Variants in KCNH7 observed in about 807,000 individuals in gnomAD.
KCNH7 encodes the protein potassium voltage-gated channel subfamily H member 7, also known as voltage-gated inwardly rectifying potassium channel KCNH7.
KCNH7 carries 49 observed loss-of-function variants against 120.8 expected under a neutral mutation model. The observed-to-expected ratio is 0.41, with a 90% CI of 0.32 to 0.51. KCNH7 has a LOEUF of 0.51. KCNH7 is among the 20% of genes least tolerant of loss of function. The pLI is 0.38. For synonymous variants in KCNH7, 547 were observed against 516.1 expected (o/e 1.06, Z -0.81); for missense variants, 1,097 against 1,446.6 (o/e 0.76, Z 3.92).
chr2:162,391,272 G>C (rs1486115869), intron 12 of KCNH7, among the ~76,000 whole-genome samples: 2 of 152,036 alleles, frequency 1.3e-5, no homozygotes, highest in Non-Finnish European at 2.9e-5. Context: ...TCCCCTGAAA[G>C]TTCTCTGTTC....
At chr2:162,491,406 A>G (rs561925946) in intron 6 of KCNH7, among the ~76,000 whole-genome samples, 2 of 152,120 alleles carry the variant, frequency 1.3e-5, no homozygotes, top group Non-Finnish European at 2.9e-5. Context: ...CAGGACCCCA[A>G]TTCACGGGAC....
intron 2 of KCNH7, among the ~76,000 whole-genome samples, chr2:162,715,137 T>G (rs936591081): frequency 1.6e-4 from 25 of 152,150 alleles, no homozygotes; most frequent in Non-Finnish European, 2.8e-4. Context: ...AATGGGTAAT[T>G]TATTTTAAAA....
At chr2:162,529,285 C>A (rs570528038) in intron 3 of KCNH7, among the ~76,000 whole-genome samples, 2 of 151,966 alleles carry the variant, frequency 1.3e-5, no homozygotes, top group East Asian at 3.9e-4. Flanking sequence ...AAACAAACAG[C>A]TTTTAAGAGT....
Position 162,420,605 on chromosome 2 carries a change from G to C in KCNH7, c.2154+2731C>G, listed in dbSNP as rs544217153. ...TTAAAGGATATGGCCACTCTTTTTA[G>C]GTCAATTATTTCTTATTTTTTGTGG... On this transcript the variant is annotated intron_variant, in intron 9 of 15. Coordinates refer to ENST00000332142, the MANE Select transcript of KCNH7 (RefSeq NM_033272.4). Among the ~76,000 whole-genome samples, 5 of 152,168 alleles carry C rather than the reference G, an allele frequency of 3.3e-5. No homozygotes were observed. The South Asian group carries it at 1.0e-3, about 32-fold the overall frequency.
chr2:162,784,311 G>C (rs895144506), intron 2 of KCNH7, among the ~76,000 whole-genome samples: 1 of 152,020 alleles, frequency 6.6e-6, no homozygotes, highest in Admixed American at 6.6e-5. Flanking sequence ...TAACATGGAG[G>C]CTCCAATGGG....
At chr2:162,826,660 C>A (rs10930072) in intron 2 of KCNH7, among the ~76,000 whole-genome samples, 80,472 of 151,918 alleles carry the variant, frequency 0.53, 22,238 homozygotes, top group South Asian at 0.73. Context: ...GATATCTTTC[C>A]AGACTCTGAC....
intron 3 of KCNH7, among the ~76,000 whole-genome samples, chr2:162,529,605 T>C (rs980868662): frequency 2.6e-5 from 4 of 151,996 alleles, no homozygotes; most frequent in African/African-American, 9.7e-5. Flanking sequence ...AAACCTCTTA[T>C]ACTCGATGAC....
At chr2:162,688,657 T>C (rs987700169) in intron 2 of KCNH7, among the ~76,000 whole-genome samples, 1 of 152,100 alleles carries the variant, frequency 6.6e-6, no homozygotes, top group Non-Finnish European at 1.5e-5. Flanking sequence ...TAAAAATCAC[T>C]GTGGTATAGG....
intron 2 of KCNH7, among the ~76,000 whole-genome samples, chr2:162,807,279 A>AC (rs1684582026): frequency 6.7e-6 from 1 of 148,648 alleles, no homozygotes; most frequent in Non-Finnish European, 1.5e-5. Flanking sequence ...AAAAAAAAAA[A>AC]AAAACAAATT....
chr2:162,831,425 A>G (rs959328373), intron 2 of KCNH7, among the ~76,000 whole-genome samples: 1 of 152,274 alleles, frequency 6.6e-6, no homozygotes, highest in African/African-American at 2.4e-5. Flanking sequence ...TATTTGAGAA[A>G]TATTTCTGAT....
At chr2:162,381,597 A>G (rs1408615441) in intron 13 of KCNH7, among the ~76,000 whole-genome samples, 2 of 152,178 alleles carry the variant, frequency 1.3e-5, no homozygotes, top group Non-Finnish European at 2.9e-5. Context: ...ATCCAAAGTC[A>G]GCATTAGAAA....
intron 9 of KCNH7, among the ~76,000 whole-genome samples, chr2:162,419,402 A>G (rs1218279049): frequency 6.6e-6 from 1 of 151,988 alleles, no homozygotes; most frequent in Non-Finnish European, 1.5e-5. Context: ...TCAAGCAGAA[A>G]AGCTCCCATA....
At chr2:162,467,732 T>C (rs1689355501) in intron 6 of KCNH7, among the ~76,000 whole-genome samples, 1 of 152,196 alleles carries the variant, frequency 6.6e-6, no homozygotes, top group South Asian at 2.1e-4. Context: ...TGCCGGAAGC[T>C]TAGTCCTTTT....
intron 8 of KCNH7, among the ~76,000 whole-genome samples, chr2:162,425,787 A>G (rs1034989889): frequency 6.6e-6 from 1 of 152,210 alleles, no homozygotes; most frequent in Non-Finnish European, 1.5e-5. Flanking sequence ...ATTAGATGTT[A>G]TTTGGATGGT....
chr2:162,837,181 C>G (rs926341455), intron 1 of KCNH7, among the ~76,000 whole-genome samples: 7 of 152,128 alleles, frequency 4.6e-5, no homozygotes, highest in African/African-American at 1.7e-4. Flanking sequence ...TCATTTCAAC[C>G]TTGGCCCTTT....
Position 162,838,706 on chromosome 2 carries a change from T to G in KCNH7, c.-188A>C. On this transcript the variant is annotated 5_prime_UTR_variant, in exon 1 of 16. The change abolishes an upstream ATG in the 5' untranslated region. Coordinates refer to ENST00000332142, the MANE Select transcript of KCNH7 (RefSeq NM_033272.4). The stretch of plus-strand genomic sequence containing the variant: ...GCTTTCCCCACCGGAGTCCAATCCA[T>G]TCCCCTCACCTTCCGGAGGGGGCCT... The G allele has an allele frequency of 6.8e-6, 3 of 439,098 alleles. No individual in the cohort carries two copies. Among genetic ancestry groups the G allele is most frequent in the Admixed American group, 4.0e-5 (1 of 25,158 alleles). 27.2% of individuals were successfully genotyped at this position (439,098 alleles called of 1,614,324 possible). A position where few individuals can be genotyped will look rare whatever the true frequency, so the allele number is the denominator to read the frequency against.
chr2:162,388,915 T>A (rs1686659569), intron 12 of KCNH7, among the ~76,000 whole-genome samples: 1 of 151,972 alleles, frequency 6.6e-6, no homozygotes, highest in Admixed American at 6.6e-5. Flanking sequence ...GTGGAGTATA[T>A]ATCGAAGAGC....
At chr2:162,553,518 G>A (rs113308109) in intron 2 of KCNH7, among the ~76,000 whole-genome samples, 2,248 of 152,120 alleles carry the variant, frequency 0.015, 58 homozygotes, top group African/African-American at 0.052. Flanking sequence ...GTGTGGTGGC[G>A]GGCGCCTGTA....
intron 2 of KCNH7, among the ~76,000 whole-genome samples, chr2:162,710,256 T>C (rs1686879022): frequency 6.6e-6 from 1 of 152,272 alleles, no homozygotes; most frequent in East Asian, 1.9e-4. Flanking sequence ...CTAAAATGAA[T>C]GTGGGGAATG....
Sources: allele counts gnomAD v4.1 joint callset (sites outside exome capture counted in the v4.1 genomes callset), GRCh38; gene constraint gnomAD v4.1.1; transcripts MANE v1.5; gene names NCBI Gene and HGNC (gene_info 2026-07-23, HGNC 2026-07-21).